Variants in SAMD12 observed in about 807,000 individuals in gnomAD.
SAMD12 encodes sterile alpha motif domain containing 12.
In SAMD12, 9 loss-of-function variants were observed where a neutral mutation model predicts 15.0. The ratio of observed to expected loss-of-function variants is 0.60; its 90% CI spans 0.36 to 1.05. The LOEUF (loss-of-function observed/expected upper bound fraction) is 1.05, where lower values mean the gene tolerates loss of function less well. Among genes scored for constraint, SAMD12 ranks in the 50% least tolerant of loss-of-function variants. The probability of loss-of-function intolerance (pLI) is 0.01; values close to 1 mark genes in which losing one functional copy is unlikely to be tolerated. For missense variants in SAMD12, 230 were observed against 234.2 expected (o/e 0.98, Z 0.12); for synonymous variants, 86 against 90.1 (o/e 0.96, Z 0.25).
intron 3 of SAMD12, among the ~76,000 whole-genome samples, chr8:118,402,270 T>C (rs556384802): frequency 2.0e-5 from 3 of 152,242 alleles, no homozygotes; most frequent in South Asian, 4.1e-4. Context: ...ATGCCAGAGA[T>C]GTTGGGTCAC....
At chr8:118,482,881 C>G (rs370699086) in intron 2 of SAMD12, among the ~76,000 whole-genome samples, 5 of 152,190 alleles carry the variant, frequency 3.3e-5, no homozygotes, top group South Asian at 2.1e-4. Flanking sequence ...TACCTGGAAG[C>G]CTCCTCTGTA....
At chr8:118,189,984 A>C (rs1389142440) in exon 5 of SAMD12, 3 of 151,658 alleles carry the variant, frequency 2.0e-5, no homozygotes, top group Non-Finnish European at 4.4e-5. Context: ...GAAAAACCCA[A>C]CAGTTGTGGG....
intron 2 of SAMD12, among the ~76,000 whole-genome samples, chr8:118,521,672 G>A (rs548244841): frequency 7.5e-6 from 1 of 133,268 alleles, no homozygotes; most frequent in East Asian, 2.1e-4. Flanking sequence ...CCAAGACTGG[G>A]CTGTGCTGAC....
chr8:118,511,286 C>G (rs967821951), intron 2 of SAMD12, among the ~76,000 whole-genome samples: 1 of 152,148 alleles, frequency 6.6e-6, no homozygotes, highest in Admixed American at 6.5e-5. Context: ...GAGGAACTCA[C>G]AGCAATTGAA....
intron 4 of SAMD12, among the ~76,000 whole-genome samples, chr8:118,214,789 C>A (rs908221691): frequency 4.6e-5 from 7 of 152,296 alleles, no homozygotes; most frequent in African/African-American, 1.7e-4. Flanking sequence ...GACTTGCTGG[C>A]TGATGACAAA....
chr8:118,473,136 C>T (rs1360529770), intron 2 of SAMD12, among the ~76,000 whole-genome samples: 1 of 152,120 alleles, frequency 6.6e-6, no homozygotes, highest in African/African-American at 2.4e-5. Context: ...CAAAGCAGTT[C>T]TGGCAGTGGC....
At chr8:118,562,597 AG>A (rs1044273590) in intron 2 of SAMD12, among the ~76,000 whole-genome samples, 126 of 152,338 alleles carry the variant, frequency 8.3e-4, no homozygotes, top group African/African-American at 2.9e-3. Context: ...GCACCAAAAA[AG>A]GGGAATGATG....
intron 4 of SAMD12, among the ~76,000 whole-genome samples, chr8:118,290,048 A>G (rs931418861): frequency 2.6e-5 from 4 of 152,228 alleles, no homozygotes; most frequent in African/African-American, 9.6e-5. Flanking sequence ...ACACTAAAAG[A>G]CTCAAATAAG....
intron 4 of SAMD12, among the ~76,000 whole-genome samples, chr8:118,327,022 A>G (rs1405471300): frequency 6.6e-6 from 1 of 152,236 alleles, no homozygotes; most frequent in Non-Finnish European, 1.5e-5. Flanking sequence ...GCTGACATGC[A>G]CATGAGTGAT....
At chr8:118,311,711 C>T (rs7827787) in intron 4 of SAMD12, among the ~76,000 whole-genome samples, 33,319 of 152,094 alleles carry the variant, frequency 0.22, 3,892 homozygotes, top group African/African-American at 0.28. Context: ...TATTTTTCTT[C>T]TTCCGTCTCT....
chr8:118,526,599 G>T (rs1436827251), intron 2 of SAMD12, among the ~76,000 whole-genome samples: 1 of 152,172 alleles, frequency 6.6e-6, no homozygotes, highest in Non-Finnish European at 1.5e-5. Context: ...TTAGAAAGGT[G>T]CTGGCAGGGA....
chr8:118,621,702 C>A, intron 1 of SAMD12, 102 bp downstream of exon 1: 2 of 1,364,556 alleles, frequency 1.5e-6, no homozygotes, highest in Admixed American at 1.7e-5. Context: ...CTCCGCCACC[C>A]CCTTTCCTCG....
In SAMD12 at chr8:118,574,990, C is replaced by T. The variant is rs538493854; in HGVS notation, c.192+5725G>A. The stretch of plus-strand genomic sequence containing the variant: ...TTGATCAAGGTTAAGTACAGTCAAC[C>T]CTTCATCTTTTAACCTAAGTCTAAG... On this transcript the variant is annotated intron_variant, in intron 2 of 3. Coordinates refer to ENST00000314727, the MANE Select transcript of SAMD12 (RefSeq NM_207506.3). 2.0e-5 allele frequency among the ~76,000 whole-genome samples: 3 copies of T among 152,238 alleles called. No individual in the cohort carries two copies. The South Asian group carries it at 6.2e-4, about 32-fold the overall frequency.
intron 4 of SAMD12, among the ~76,000 whole-genome samples, chr8:118,216,815 C>CT (rs148701708): frequency 0.031 from 4,724 of 152,238 alleles, 215 homozygotes; most frequent in African/African-American, 0.097. Flanking sequence ...AGTAATAAAG[C>CT]TTATTCTCAA....
intron 4 of SAMD12, among the ~76,000 whole-genome samples, chr8:118,278,778 T>G (rs1279102954): frequency 6.6e-6 from 1 of 152,184 alleles, no homozygotes; most frequent in Non-Finnish European, 1.5e-5. Context: ...TTTTCTATTT[T>G]GAGGCTTCAT....
At chr8:118,213,862 T>C (rs1005497217) in intron 4 of SAMD12, among the ~76,000 whole-genome samples, 4 of 152,172 alleles carry the variant, frequency 2.6e-5, no homozygotes, top group African/African-American at 7.2e-5. Flanking sequence ...CATAGGACTA[T>C]ATCATGAGAT....
chr8:118,582,403 AC>A (rs1450610962), intron 1 of SAMD12, among the ~76,000 whole-genome samples: 4 of 152,182 alleles, frequency 2.6e-5, no homozygotes, highest in Non-Finnish European at 4.4e-5. Context: ...TCTACACCTA[AC>A]ATACTGCTCA....
At chr8:118,424,449 C>A (rs1319899215) in intron 3 of SAMD12, among the ~76,000 whole-genome samples, 9 of 152,082 alleles carry the variant, frequency 5.9e-5, no homozygotes, top group African/African-American at 1.7e-4. Context: ...AGGTCACACA[C>A]CGTGAATAAT....
chr8:118,131,963 G>A, the SAMD12 span, among the ~76,000 whole-genome samples: 307 of 152,180 alleles, frequency 2.0e-3, no homozygotes, highest in Middle Eastern at 6.8e-3. Flanking sequence ...GCAAAGAGAA[G>A]ATACCCATTA....
Sources: gnomAD v4.1 joint callset for allele counts (sites outside exome capture counted in the v4.1 genomes callset) on GRCh38, gnomAD v4.1.1 for gene constraint, MANE v1.5 for transcripts, NCBI Gene and HGNC (gene_info 2026-07-23, HGNC 2026-07-21) for gene names.